Variants in BACH2 observed in about 807,000 individuals in gnomAD.
BACH2 encodes the protein transcription regulator protein BACH2.
A neutral mutation model predicts 61.8 loss-of-function variants in BACH2; 5 were observed. The ratio of observed to expected loss-of-function variants is 0.08; its 90% CI spans 0.04 to 0.17. The LOEUF (loss-of-function observed/expected upper bound fraction) is 0.17, where lower values mean the gene tolerates loss of function less well. Ranked by LOEUF, BACH2 falls within the 10% of genes least tolerant of loss-of-function variation. The probability of loss-of-function intolerance (pLI) is 1.00; values close to 1 mark genes in which losing one functional copy is unlikely to be tolerated. For missense variants in BACH2, 824 were observed against 1,091.1 expected (o/e 0.76, Z 3.45); for synonymous variants, 446 against 440.1 (o/e 1.01, Z -0.17).
intron 4 of BACH2, among the ~76,000 whole-genome samples, chr6:90,187,679 G>A (rs1290710561): frequency 2.0e-5 from 3 of 152,220 alleles, no homozygotes; most frequent in African/African-American, 7.2e-5. Context: ...CAACCAATCT[G>A]AGAACCAGAA....
chr6:90,162,880 G>A (rs529032725), intron 4 of BACH2, among the ~76,000 whole-genome samples: 2 of 152,194 alleles, frequency 1.3e-5, no homozygotes, highest in Non-Finnish European at 2.9e-5. Flanking sequence ...ACACTCTGGC[G>A]TGTGTCTCCG....
At chr6:90,093,309 G>A (rs1305453023) in intron 4 of BACH2, among the ~76,000 whole-genome samples, 1 of 152,124 alleles carries the variant, frequency 6.6e-6, no homozygotes, top group Non-Finnish European at 1.5e-5. Flanking sequence ...CAGCATGGGG[G>A]GAGATGTGTA....
chr6:90,203,666 G>A (rs4706359), intron 4 of BACH2, among the ~76,000 whole-genome samples: 8,978 of 152,132 alleles, frequency 0.059, 359 homozygotes, highest in South Asian at 0.1. Flanking sequence ...ATAAATATGA[G>A]GCTGTCTACT....
chr6:90,210,234 C>T (rs764522705), intron 3 of BACH2, among the ~76,000 whole-genome samples: 3 of 151,744 alleles, frequency 2.0e-5, no homozygotes, highest in Non-Finnish European at 2.9e-5. Context: ...CTAGAAGTGA[C>T]TTCATTTCAA....
intron 4 of BACH2, among the ~76,000 whole-genome samples, chr6:90,186,567 A>C (rs755725111): frequency 6.6e-6 from 1 of 152,176 alleles, no homozygotes; most frequent in Non-Finnish European, 1.5e-5. Flanking sequence ...ATTTGGCCTA[A>C]GTCTGTTCCT....
At chr6:90,115,896 A>G (rs757882951) in intron 4 of BACH2, among the ~76,000 whole-genome samples, 3 of 152,178 alleles carry the variant, frequency 2.0e-5, no homozygotes, top group Non-Finnish European at 1.5e-5. Context: ...ACATACATGC[A>G]GTCAACAAGC....
intron 5 of BACH2, among the ~76,000 whole-genome samples, chr6:90,029,461 C>T (rs1432110837): frequency 2.0e-5 from 3 of 152,144 alleles, no homozygotes; most frequent in African/African-American, 7.2e-5. Context: ...CCGTTTAAAC[C>T]ACAACCCCAG....
At chr6:90,060,609 A>G (rs926948377) in intron 5 of BACH2, among the ~76,000 whole-genome samples, 1 of 152,080 alleles carries the variant, frequency 6.6e-6, no homozygotes, top group African/African-American at 2.4e-5. Flanking sequence ...TACTTCAAAC[A>G]TCTAAAGCCC....
intron 4 of BACH2, among the ~76,000 whole-genome samples, chr6:90,138,808 A>C (rs1784368303): frequency 1.3e-5 from 2 of 152,192 alleles, no homozygotes; most frequent in South Asian, 4.1e-4. Context: ...GGAAACAAAC[A>C]CAATGAGCTG....
At chr6:90,030,652 A>C (rs1562383656) in intron 5 of BACH2, among the ~76,000 whole-genome samples, 1 of 152,154 alleles carries the variant, frequency 6.6e-6, no homozygotes, top group East Asian at 1.9e-4. Context: ...AGACTAAACC[A>C]GGAACAAGTT....
At chr6:89,941,521 T>G (rs1270228169) in intron 7 of BACH2, among the ~76,000 whole-genome samples, 1 of 152,226 alleles carries the variant, frequency 6.6e-6, no homozygotes, top group Non-Finnish European at 1.5e-5. Context: ...GACAAACAGT[T>G]CCTTGTTATG....
At chr6:89,975,417 T>C (rs1368038405) in intron 6 of BACH2, among the ~76,000 whole-genome samples, 1 of 152,228 alleles carries the variant, frequency 6.6e-6, no homozygotes, top group Non-Finnish European at 1.5e-5. Context: ...TTTTCTCTCT[T>C]CTATTCAAAC....
intron 3 of BACH2, among the ~76,000 whole-genome samples, chr6:90,251,779 A>G (rs1340999725): frequency 2.6e-5 from 4 of 152,184 alleles, no homozygotes; most frequent in Non-Finnish European, 5.9e-5. Context: ...TACAATTGTT[A>G]GGATTGTAAT....
intron 5 of BACH2, among the ~76,000 whole-genome samples, chr6:90,051,307 C>A (rs1780035470): frequency 6.6e-6 from 1 of 152,084 alleles, no homozygotes. Context: ...TATATCCAGT[C>A]ACTGTGCTAA....
At chr6:90,237,641 A>G (rs944156331) in intron 3 of BACH2, among the ~76,000 whole-genome samples, 1 of 152,232 alleles carries the variant, frequency 6.6e-6, no homozygotes, top group African/African-American at 2.4e-5. Context: ...TCTTAAATGT[A>G]AAATGCAATG....
chr6:90,197,521 T>G (rs1241125191), intron 4 of BACH2, among the ~76,000 whole-genome samples: 1 of 152,344 alleles, frequency 6.6e-6, no homozygotes, highest in South Asian at 2.1e-4. Flanking sequence ...AGTTGAGGAC[T>G]TGGAGAAAGA....
chr6:90,295,471 T>A (rs534808010), intron 1 of BACH2, among the ~76,000 whole-genome samples: 1 of 151,958 alleles, frequency 6.6e-6, no homozygotes, highest in South Asian at 2.1e-4. Context: ...CGTGGGCACC[T>A]AGGGTAGCCC....
At position 90,286,325 on chromosome 6, in the gene BACH2, C is replaced by T. The variant is rs151146908; in HGVS notation, c.-446+10155G>A. Among the ~76,000 whole-genome samples, 231 of 152,286 alleles carry T rather than the reference C, an allele frequency of 1.5e-3. 2 individuals carry two copies. Among genetic ancestry groups the T allele is most frequent in the African/African-American group, 5.5e-3 (227 of 41,552 alleles). On this transcript the variant is annotated intron_variant, in intron 1 of 8. Coordinates refer to ENST00000257749, the MANE Select transcript of BACH2 (RefSeq NM_021813.4). ...ATGTGGGAAATTTAAAACCTGTATG[C>T]TAATTGAGATCTCATGTGCCAGGCT...
intron 6 of BACH2, among the ~76,000 whole-genome samples, chr6:89,964,040 A>G (rs531555466): frequency 7.5e-4 from 114 of 151,990 alleles, no homozygotes; most frequent in African/African-American, 2.6e-3. Flanking sequence ...TGAATATCAC[A>G]CTCTGGGGAC....
Sources: gnomAD v4.1 joint callset for allele counts (sites outside exome capture counted in the v4.1 genomes callset) on GRCh38, gnomAD v4.1.1 for gene constraint, MANE v1.5 for transcripts, NCBI Gene and HGNC (gene_info 2026-07-23, HGNC 2026-07-21) for gene names.